LPCAT3: variants seen among roughly 807,000 people sequenced by gnomAD.
The protein encoded by LPCAT3 is lysophospholipid acyltransferase 5.
LPCAT3 carries 21 observed loss-of-function variants against 63.4 expected under a neutral mutation model. The ratio of observed to expected loss-of-function variants is 0.33; its 90% CI spans 0.23 to 0.48. The LOEUF (loss-of-function observed/expected upper bound fraction) is 0.48. LPCAT3 is among the 20% of genes least tolerant of loss of function. LPCAT3 has a pLI of 0.99. For missense variants in LPCAT3, 451 were observed against 590.6 expected (o/e 0.76, Z 2.45); for synonymous variants, 242 against 227.5 (o/e 1.06, Z -0.58).
chr12:6,983,405 G>C (rs782147323), intron 2 of LPCAT3, 27 bp downstream of exon 2: 4 of 1,444,838 alleles, frequency 2.8e-6, no homozygotes, highest in Non-Finnish European at 3.9e-6. Flanking sequence ...ACTAATTGCG[G>C]TGTCACTGCT....
Position 6,977,815 on chromosome 12 carries a change from TCCTC to T in LPCAT3, c.1041-74_1041-71del. The T allele has an allele frequency of 1.3e-6, 2 of 1,583,394 alleles. No homozygotes were observed. Among genetic ancestry groups the T allele is most frequent in the South Asian group, 1.1e-5 (1 of 88,078 alleles). ...TTGCATCCCGCCACCTGCCTCTGGG[TCCTC>T]ACCCTGAGGATTGGATTGGAGTGCT... On this transcript the variant is annotated intron_variant, in intron 9 of 12. Coordinates refer to ENST00000261407, the MANE Select transcript of LPCAT3 (RefSeq NM_005768.6). This position sits in a 1 kb window ranked among gnomAD's most constrained non-coding sequence, Gnocchi z 4.5.
At chr12:7,000,209 C>A (rs1565604085) in intron 1 of LPCAT3, among the ~76,000 whole-genome samples, 1 of 151,854 alleles carries the variant, frequency 6.6e-6, no homozygotes, top group African/African-American at 2.4e-5. Context: ...CGTGAGCCAC[C>A]GCGCCTGGCC....
At chr12:7,002,231 C>T (rs1946693182) in intron 1 of LPCAT3, among the ~76,000 whole-genome samples, 1 of 152,194 alleles carries the variant, frequency 6.6e-6, no homozygotes, top group Admixed American at 6.5e-5. Context: ...CCCTTATATA[C>T]ACTTGAAGTT....
At chr12:6,982,128 C>T (rs1357873028) in intron 3 of LPCAT3, among the ~76,000 whole-genome samples, 1 of 151,968 alleles carries the variant, frequency 6.6e-6, no homozygotes, top group Non-Finnish European at 1.5e-5. Flanking sequence ...ATGCTGGGAC[C>T]ACAGGTGCAT....
chr12:6,987,123 A>G lies in LPCAT3; in HGVS notation c.152-3584T>C, dbSNP rs1452219570. Among the ~76,000 whole-genome samples, 1 of 151,036 alleles carries G rather than the reference A, an allele frequency of 6.6e-6. No homozygotes were observed. Among genetic ancestry groups the G allele is most frequent in the African/African-American group, 2.5e-5 (1 of 40,676 alleles). On this transcript the variant is annotated intron_variant, in intron 1 of 12. Transcript: ENST00000261407. This position sits in a 1 kb window ranked among gnomAD's most constrained non-coding sequence, Gnocchi z 4.1. ...CAAGATTCTGTCTCAAAAAAAAAAGAAAAAAAAGTTTTATGAGGATTTTTG... is the reference window on the plus strand; with the variant it reads ...CAAGATTCTGTCTCAAAAAAAAAAGGAAAAAAAGTTTTATGAGGATTTTTG...
chr12:6,991,437 T>C (rs944174438), intron 1 of LPCAT3, among the ~76,000 whole-genome samples: 4 of 152,214 alleles, frequency 2.6e-5, no homozygotes, highest in Admixed American at 2.6e-4. Context: ...AAATACTGGT[T>C]CCCTGTTGTT....
chr12:6,977,594 C>T lies in LPCAT3; in HGVS notation c.1188+4G>A, dbSNP rs372817408. 61 of 1,614,096 alleles carry T rather than the reference C, an allele frequency of 3.8e-5. No homozygotes were observed. Among genetic ancestry groups the T allele is most frequent in the Middle Eastern group, 1.6e-4 (1 of 6,084 alleles). On this transcript the variant is annotated splice_donor_region_variant and intron_variant, in intron 10 of 12. Coordinates refer to ENST00000261407, the MANE Select transcript of LPCAT3 (RefSeq NM_005768.6). The surrounding 1 kb of genome is among the most constrained non-coding windows in gnomAD (Gnocchi z 4.5). Reference sequence around the variant, plus strand: ...TCCCCTTCACCCCCACCCTGGAGGCCTACCTGTCTTTCCACAATAACAATG... The same window carrying T: ...TCCCCTTCACCCCCACCCTGGAGGCTTACCTGTCTTTCCACAATAACAATG...
In LPCAT3 at chr12:6,978,541, A is replaced by G. The variant is rs782487773; in HGVS notation, c.874-34T>C. On this transcript the variant is annotated intron_variant, in intron 8 of 12. Coordinates refer to ENST00000261407, the MANE Select transcript of LPCAT3 (RefSeq NM_005768.6). ...GAATAGCTCAGTTAGGGCTCTTGCC[A>G]CTCCCCATACTGGCCCCCATGGCTT... The G allele has an allele frequency of 8.7e-6, 14 of 1,611,556 alleles. No individual in the cohort carries two copies. The Admixed American group carries it at 2.2e-4, about 25-fold the overall frequency.
intron 2 of LPCAT3, 78 bp downstream of exon 2, chr12:6,983,354 C>T: frequency 2.1e-6 from 2 of 944,406 alleles, no homozygotes; most frequent in Non-Finnish European, 1.7e-6. Flanking sequence ...ATTAGATTCT[C>T]TCAAGGAAAT....
At chr12:6,995,569 T>C (rs1946629476) in intron 1 of LPCAT3, among the ~76,000 whole-genome samples, 1 of 152,064 alleles carries the variant, frequency 6.6e-6, no homozygotes, top group Admixed American at 6.6e-5. Context: ...TCTCTCACCA[T>C]CACTGTCACC....
At chr12:7,016,153 G>C (rs1430215605) in intron 1 of LPCAT3, among the ~76,000 whole-genome samples, 3 of 151,414 alleles carry the variant, frequency 2.0e-5, no homozygotes, top group African/African-American at 7.3e-5. Context: ...CTGGAGTGCA[G>C]TGGTGCCACG....
chr12:6,981,303 G>A, intron 5 of LPCAT3, 121 bp from the exon 6 acceptor site: 1 of 812,094 alleles, frequency 1.2e-6, no homozygotes, highest in Non-Finnish European at 2.0e-6. Flanking sequence ...CTTCTCTTTG[G>A]GGGATGACAA....
At chr12:7,015,887 A>G (rs1946794704) in intron 1 of LPCAT3, among the ~76,000 whole-genome samples, 1 of 152,216 alleles carries the variant, frequency 6.6e-6, no homozygotes, top group African/African-American at 2.4e-5. Flanking sequence ...GTACACAGCA[A>G]TAGCCCAGCA....
intron 1 of LPCAT3, among the ~76,000 whole-genome samples, chr12:7,015,244 T>C (rs971280075): frequency 6.6e-6 from 1 of 152,236 alleles, no homozygotes; most frequent in Non-Finnish European, 1.5e-5. Flanking sequence ...ATGTGAATGA[T>C]ATACCTAACT....
chr12:7,012,912 A>G (rs1946773219), intron 1 of LPCAT3, among the ~76,000 whole-genome samples: 1 of 152,240 alleles, frequency 6.6e-6, no homozygotes, highest in Admixed American at 6.5e-5. Context: ...CCTCCAGCTA[A>G]TAAGTTGCCA....
intron 1 of LPCAT3, among the ~76,000 whole-genome samples, chr12:6,991,086 A>T (rs1555155469): frequency 6.6e-6 from 1 of 152,188 alleles, no homozygotes; most frequent in East Asian, 1.9e-4. Flanking sequence ...AAAGCCATCT[A>T]ATGAGAAGAA....
intron 1 of LPCAT3, chr12:7,001,618 T>G (rs1591555287): frequency 2.4e-6 from 1 of 416,064 alleles, no homozygotes; most frequent in South Asian, 1.6e-5. Flanking sequence ...GGCTGACAGG[T>G]AGGCAGAGTT....
chr12:7,018,391 C>T lies in LPCAT3; in HGVS notation c.34G>A (p.Val12Met). ...TGCAGAACCCCCGCCAGCGCCACCA[C>T]AGTCCCCTCGTCCCCCTCCGCTGAG... ...ASSAEGDEGT[V>M]VALAGVLQSG... Residue 12 changes from valine to methionine, a missense_variant, in exon 1 of 13, where the codon GTG becomes ATG. Physicochemically the swap from Val to Met is conservative, Grantham distance 21. Around this residue, in one of 3 missense-constraint regions of LPCAT3, gnomAD observed 133 missense variants for 152.1 expected, o/e 0.87. Coordinates refer to ENST00000261407, the MANE Select transcript of LPCAT3 (RefSeq NM_005768.6). The surrounding 1 kb of genome is among the most constrained non-coding windows in gnomAD (Gnocchi z 4.9). 6.2e-7 allele frequency: 1 copy of T among 1,612,102 alleles called. No homozygotes were observed. The highest frequency in any genetic ancestry group is 8.5e-7 in the Non-Finnish European group (1 of 1,179,038).
chr12:6,981,926 A>T (rs1365458879), intron 3 of LPCAT3, 22 bp from the exon 4 acceptor site: 1 of 1,231,330 alleles, frequency 8.1e-7, no homozygotes, highest in Non-Finnish European at 1.2e-6. Flanking sequence ...AGAAGTATTT[A>T]TTCTAGCATC....
Sources: allele counts gnomAD v4.1 joint callset (sites outside exome capture counted in the v4.1 genomes callset), GRCh38; gene constraint gnomAD v4.1.1; regional missense constraint gnomAD v4.1.1; non-coding constraint Gnocchi (gnomAD v3.1); transcripts MANE v1.5; gene names NCBI Gene and HGNC (gene_info 2026-07-23, HGNC 2026-07-21).